The following EPHB4 variants were observed in gnomAD, a reference collection of about 807,000 sequenced individuals.
EPHB4 encodes ephrin type-B receptor 4.
EPHB4 carries 50 observed loss-of-function variants against 110.6 expected under a neutral mutation model. The ratio of observed to expected loss-of-function variants is 0.45; its 90% CI spans 0.36 to 0.57. The LOEUF (loss-of-function observed/expected upper bound fraction) is 0.57, where lower values mean the gene tolerates loss of function less well. Ranked by LOEUF, EPHB4 falls within the 20% of genes least tolerant of loss-of-function variation. The pLI, the probability that EPHB4 is intolerant of heterozygous loss-of-function variation, is 0.00. For synonymous variants in EPHB4, 592 were observed against 578.4 expected (o/e 1.02, Z -0.34); for missense variants, 1,128 against 1,382.1 (o/e 0.82, Z 2.91).
At position 100,823,674 on chromosome 7, in the gene EPHB4, C is replaced by T. The variant is rs749343839; in HGVS notation, c.381G>A (p.Thr127=). The change falls in exon 3 of 17, where the codon ACG becomes ACA. Residue 127 remains threonine, a synonymous_variant. Transcript: ENST00000358173. ...TGTAGGGGTTCTCCATCCAGGCTGG[C>T]GTGAGGGCCGTGGCCGTGTCCGCAT... ...ESDADTATAL[T]PAWMENPYIK... 175 of 1,613,126 alleles carry T rather than the reference C, an allele frequency of 1.1e-4. 2 individuals carry two copies. The South Asian group carries it at 1.6e-3, about 15-fold the overall frequency.
rs756420990 is a variant in EPHB4, at chr7:100,819,909, C to T, written c.965-20G>A. Reference sequence around the variant, plus strand: ...GAGGGGCTGCAGGAGACCAGGGAGTCAGGCAGAGGCCGACCTGCTCTGCGG... The same window carrying T: ...GAGGGGCTGCAGGAGACCAGGGAGTTAGGCAGAGGCCGACCTGCTCTGCGG... On this transcript the variant is annotated intron_variant, in intron 5 of 16. Transcript: ENST00000358173. 21 of 1,533,938 alleles carry T rather than the reference C, an allele frequency of 1.4e-5. No individual in the cohort carries two copies. Among genetic ancestry groups the T allele is most frequent in the Non-Finnish European group, 1.8e-5 (20 of 1,136,364 alleles).
In EPHB4 at chr7:100,819,765, C is replaced by T; in HGVS notation, c.1089G>A (p.Glu363=). 1 of 1,597,486 alleles carries T rather than the reference C, an allele frequency of 6.3e-7. No individual in the cohort carries two copies. The highest frequency in any genetic ancestry group is 1.1e-5 in the South Asian group (1 of 89,584). ...GCGCACAGGAGCCTCCGGGTCGGCA[C>T]TCCCGGCAGCGGAGGGCGTAGGTGA... ...EDLTYALRCR[E]CRPGGSCAPC... The change falls in exon 6 of 17, where the codon GAG becomes GAA. Residue 363 remains glutamate, a synonymous_variant. Transcript: ENST00000358173.
rs1228259638 is a variant in EPHB4, at chr7:100,818,647, G to A, written c.1298-3C>T. 1.2e-6 allele frequency: 2 copies of A among 1,607,288 alleles called. No individual in the cohort carries two copies. The highest frequency in any genetic ancestry group is 1.3e-5 in the African/African-American group (1 of 75,018). On this transcript the variant is annotated splice_polypyrimidine_tract_variant and splice_region_variant and intron_variant, in intron 6 of 16. Transcript: ENST00000358173. ...GATGTCAGACACTGCAGGAGGTACT[G>A]TGAGAGGCAGAGACACAGGGAACCC...
intron 1 of EPHB4, among the ~76,000 whole-genome samples, chr7:100,825,900 T>C (rs1226479655): frequency 6.6e-6 from 1 of 152,178 alleles, no homozygotes; most frequent in Non-Finnish European, 1.5e-5. Flanking sequence ...TTCATGGTTT[T>C]TGTTCCCCCT....
intron 1 of EPHB4, 46 bp downstream of exon 1, chr7:100,826,933 G>A (rs1181497242): frequency 5.2e-6 from 8 of 1,534,890 alleles, no homozygotes; most frequent in East Asian, 5.0e-5. Flanking sequence ...TTGGGGGGGA[G>A]GTCCCAGGAG....
Position 100,824,241 on chromosome 7 carries a change from C to T in EPHB4, c.85G>A (p.Asp29Asn). 1 of 1,613,962 alleles carries T rather than the reference C, an allele frequency of 6.2e-7. No individual in the cohort carries two copies. Among genetic ancestry groups the T allele is most frequent in the African/African-American group, 1.3e-5 (1 of 74,960 alleles). The change falls in exon 2 of 17, where the codon GAT becomes AAT. Residue 29 changes from aspartate (D) to asparagine (N), a missense_variant. Asp to Asn is a conservative substitution (Grantham distance 23). Coordinates refer to ENST00000358173, the MANE Select transcript of EPHB4 (RefSeq NM_004444.5). ...TGAGGGAATGTCACCCACTTCAGATCAGCAGTTTCCAATTTTGTGTTCAGC... is the reference window on the plus strand; with the variant it reads ...TGAGGGAATGTCACCCACTTCAGATTAGCAGTTTCCAATTTTGTGTTCAGC... ...TLLNTKLETA[D>N]LKWVTFPQVD...
chr7:100,803,513 T>G lies in EPHB4; in HGVS notation c.2912A>C (p.Gln971Pro), dbSNP rs534188389. The change falls in exon 17 of 17, where the codon CAG becomes CCG. Residue 971 changes from glutamine (Q) to proline (P), a missense_variant. By Grantham distance (76) the Gln-to-Pro change is moderately conservative. This residue lies in a region of EPHB4 where 209 missense variants were observed against 240.5 expected (regional missense o/e 0.87). Transcript: ENST00000358173. ...ILASVQHMKSQAKPGTPGGTG... is the reference protein window; with the variant it reads ...ILASVQHMKSPAKPGTPGGTG... ...CCCACCCGGGGTTCCCGGCTTGGCCTGGGACTTCATGTGCTGGACACTGGC... is the reference window on the plus strand; with the variant it reads ...CCCACCCGGGGTTCCCGGCTTGGCCGGGGACTTCATGTGCTGGACACTGGC... 1 of 1,593,400 alleles carries G rather than the reference T, an allele frequency of 6.3e-7. No individual in the cohort carries two copies. The highest frequency in any genetic ancestry group is 8.5e-7 in the Non-Finnish European group (1 of 1,169,658).
intron 14 of EPHB4, 43 bp downstream of exon 14, chr7:100,806,377 G>A (rs771847518): frequency 1.4e-5 from 22 of 1,581,056 alleles, no homozygotes; most frequent in Non-Finnish European, 1.7e-5. Flanking sequence ...TCCCAGGTGA[G>A]AGAACACTCG....
At position 100,813,938 on chromosome 7, in the gene EPHB4, C is replaced by T; in HGVS notation, c.1672G>A (p.Val558Ile). Residue 558 changes from valine to isoleucine, a missense_variant, in exon 9 of 17, where the codon GTC (valine) becomes ATC (isoleucine). Coordinates refer to ENST00000358173, the MANE Select transcript of EPHB4 (RefSeq NM_004444.5). Reference protein sequence around the residue: ...GVVLVLVVIVVAVLCLRKQSN... With the variant: ...GVVLVLVVIVIAVLCLRKQSN... ...CCTTACCTGAGGCAGAGAACTGCGA[C>T]CACAATGACCACCAGGACCAGGACC... is the stretch of plus-strand genomic sequence containing the variant. 1 of 1,614,168 alleles carries T rather than the reference C, an allele frequency of 6.2e-7. No homozygotes were observed. The highest frequency in any genetic ancestry group is 2.2e-5 in the East Asian group (1 of 44,884).
intron 12 of EPHB4, among the ~76,000 whole-genome samples, chr7:100,808,037 T>G (rs775870281): frequency 3.0e-4 from 46 of 152,150 alleles, no homozygotes; most frequent in Middle Eastern, 3.2e-3. Flanking sequence ...CTTTCTCTTT[T>G]CCCAAGTTTT....
intron 12 of EPHB4, among the ~76,000 whole-genome samples, chr7:100,807,923 C>T (rs1200989394): frequency 6.6e-6 from 1 of 152,196 alleles, no homozygotes; most frequent in African/African-American, 2.4e-5. Flanking sequence ...AGTCACCGTA[C>T]CCAGCCTCCC....
In EPHB4 at chr7:100,824,118, G is replaced by A; in HGVS notation, c.123+85C>T. On this transcript the variant is annotated intron_variant, in intron 2 of 16. Coordinates refer to ENST00000358173, the MANE Select transcript of EPHB4 (RefSeq NM_004444.5). ...TCATCTGGGGGGACAGGGGAGAGGA[G>A]TGGCACACAGAAAGCAGGCGGCACA... 5 of 1,584,314 alleles carry A rather than the reference G, an allele frequency of 3.2e-6. No homozygotes were observed. The South Asian group carries it at 4.5e-5, about 14-fold the overall frequency.
rs1278729574 is a variant in EPHB4, at chr7:100,812,213, AGAAG to A, written c.2118+530_2118+533del. 2.6e-5 allele frequency among the ~76,000 whole-genome samples: 4 copies of A among 151,872 alleles called. No homozygotes were observed. In the East Asian group the frequency reaches 7.8e-4, roughly 30 times the overall value. On this transcript the variant is annotated intron_variant, in intron 12 of 16. Transcript: ENST00000358173. ...AATTAAAACAAAATTAAAAAAAAAA[AGAAG>A]GAATGACAACCTTCAGCTGTATGGG... is the stretch of plus-strand genomic sequence containing the variant.
rs775095504 is a variant in EPHB4 at position 100,827,075 on chromosome 7, C to T, written c.-45G>A. ...AGGATCCGAACTGAGTTTGGGGGGC[C>T]CTCGCCCCCCCAGGTCTGACTCTCC... On this transcript the variant is annotated 5_prime_UTR_variant, in exon 1 of 17. Coordinates refer to ENST00000358173, the MANE Select transcript of EPHB4 (RefSeq NM_004444.5). 3.2e-6 allele frequency: 5 copies of T among 1,548,096 alleles called. No individual in the cohort carries two copies. Among genetic ancestry groups the T allele is most frequent in the South Asian group, 2.4e-5 (2 of 83,966 alleles).
Position 100,813,152 on chromosome 7 carries a change from C to A in EPHB4, c.1813G>T (p.Glu605Ter). The change falls in exon 11 of 17, where the codon GAA (glutamate) becomes TAA (stop). Residue 605 changes from glutamate to a stop codon, truncating the protein, a stop_gained. Coordinates refer to ENST00000358173, the MANE Select transcript of EPHB4 (RefSeq NM_004444.5). LOFTEE classifies it high-confidence loss of function. ...GAGACATCGATCTCTTTTGCAAATT[C>A]CCTCACAGCCTCATTAGGGTCTTCA... ...TYEDPNEAVR[E>*]FAKEIDVSYV... 1 of 1,610,690 alleles carries A rather than the reference C, an allele frequency of 6.2e-7. No homozygotes were observed.
intron 12 of EPHB4, among the ~76,000 whole-genome samples, chr7:100,811,239 G>A (rs1812925120): frequency 6.7e-6 from 1 of 148,516 alleles, no homozygotes; most frequent in South Asian, 2.1e-4. Flanking sequence ...GTGACAGATG[G>A]AAACTCCATC....
chr7:100,806,632 A>C, intron 13 of EPHB4, 63 bp from the exon 14 acceptor site: 1 of 1,544,484 alleles, frequency 6.5e-7, no homozygotes, highest in Non-Finnish European at 8.7e-7. Flanking sequence ...GACCCAGCAC[A>C]CTGCCCCCCA....
intron 6 of EPHB4, 67 bp from the exon 7 acceptor site, chr7:100,818,711 T>C: frequency 6.7e-7 from 1 of 1,500,724 alleles, no homozygotes; most frequent in Non-Finnish European, 8.9e-7. Context: ...TAAAAAAAAT[T>C]TTTTTTTTCG....
chr7:100,823,957 G>C (rs767702752), intron 2 of EPHB4, 26 bp from the exon 3 acceptor site: 6 of 1,553,734 alleles, frequency 3.9e-6, no homozygotes, highest in Non-Finnish European at 8.7e-7. Flanking sequence ...GGTCAGCAAG[G>C]GGGCTGGGGA....
Sources: gnomAD v4.1 joint callset for allele counts (sites outside exome capture counted in the v4.1 genomes callset) on GRCh38, gnomAD v4.1.1 for gene constraint, gnomAD v4.1.1 regional missense constraint, MANE v1.5 for transcripts, NCBI Gene and HGNC (gene_info 2026-07-23, HGNC 2026-07-21) for gene names.